PLCG1: variants seen among roughly 807,000 people sequenced by gnomAD.
The protein encoded by PLCG1 is phospholipase C gamma 1, also known as 1-phosphatidylinositol 4,5-bisphosphate phosphodiesterase gamma-1.
A neutral mutation model predicts 177.8 loss-of-function variants in PLCG1; 71 were observed. The ratio of observed to expected loss-of-function variants is 0.40; its 90% confidence interval spans 0.33 to 0.49. The LOEUF (loss-of-function observed/expected upper bound fraction) is 0.49, where lower values mean the gene tolerates loss of function less well. PLCG1 is among the 20% of genes least tolerant of loss of function. The pLI, the probability that PLCG1 is intolerant of heterozygous loss-of-function variation, is 0.72. For missense variants in PLCG1, 1,281 were observed against 1,709.0 expected (o/e 0.75, Z 4.42); for synonymous variants, 658 against 647.9 (o/e 1.02, Z -0.24).
chr20:41,168,627 C>T (rs974448600), intron 20 of PLCG1, 140 bp from the exon 21 acceptor site: 26 of 625,874 alleles, frequency 4.2e-5, no homozygotes, highest in Non-Finnish European at 7.7e-5. Context: ...TAACTAGGGC[C>T]TGTTGATGGC....
rs1332779911 is a variant in PLCG1 at position 41,166,305 on chromosome 20, G to A, written c.1911G>A (p.Thr637=). 3.6e-5 allele frequency: 58 copies of A among 1,614,000 alleles called. No homozygotes were observed. The highest frequency in any genetic ancestry group is 4.4e-5 in the Non-Finnish European group (52 of 1,180,020). The stretch of plus-strand genomic sequence containing the variant: ...TTGACTCCCTCTATGACCTCATCAC[G>A]CACTACCAGCAGGTGCCCCTGCGCT... ...LVFDSLYDLI[T]HYQQVPLRCN... The change falls in exon 17 of 32, where the codon ACG becomes ACA. Residue 637 remains threonine (T), a synonymous_variant. Transcript: ENST00000685551. This position sits in a 1 kb window ranked among gnomAD's most constrained non-coding sequence, Gnocchi z 8.6.
rs35980938 is a variant in PLCG1 at position 41,157,204 on chromosome 20, CTGTGTGTGTGTG to C, written c.218-2376_218-2365del. ...GTGCAGGAGTGCAGGCCTGTTGACT[CTGTGTGTGTGTG>C]TGTGTGTGTGTGTGTGTGTGTGTGT... On this transcript the variant is annotated intron_variant, in intron 1 of 31. Coordinates refer to ENST00000685551, the MANE Select transcript of PLCG1 (RefSeq NM_002660.3). The surrounding 1 kb of genome is among the most constrained non-coding windows in gnomAD (Gnocchi z 5.4). Among the ~76,000 whole-genome samples, 4,380 of 144,032 alleles carry C rather than the reference CTGTGTGTGTGTG, an allele frequency of 0.03. 82 individuals are homozygous for C. Among genetic ancestry groups the C allele is most frequent in the South Asian group, 0.063 (278 of 4,434 alleles). 94.5% of individuals were successfully genotyped at this position (144,032 alleles called of 152,430 possible).
In PLCG1 at chr20:41,164,049, G is replaced by T. The variant is rs1232566309; in HGVS notation, c.1097-32G>T. 21 of 1,614,072 alleles carry T rather than the reference G, an allele frequency of 1.3e-5. No individual in the cohort carries two copies. The highest frequency in any genetic ancestry group is 1.8e-5 in the Non-Finnish European group (21 of 1,180,036). ...CTGGGGGAGGGAAGATGGGAGGCCT[G>T]CCCGCTTGACCATGGTGATGTTGCT... On this transcript the variant is annotated intron_variant, in intron 11 of 31. Transcript: ENST00000685551. The surrounding 1 kb of genome is among the most constrained non-coding windows in gnomAD (Gnocchi z 6.4).
In PLCG1 at chr20:41,148,941, CTT is replaced by C. The variant is rs2035079226; in HGVS notation, c.218-10663_218-10662del. ...CCACCTTAGGTAAGTTAATTAACCT[CTT>C]TGTGCTCAATTTCCTCACTCGGGAA... On this transcript the variant is annotated intron_variant, in intron 1 of 31. Transcript: ENST00000685551. This position sits in a 1 kb window ranked among gnomAD's most constrained non-coding sequence, Gnocchi z 4.3. 6.6e-6 allele frequency among the ~76,000 whole-genome samples: 1 copy of C among 152,220 alleles called. No individual in the cohort carries two copies. Among genetic ancestry groups the C allele is most frequent in the Non-Finnish European group, 1.5e-5 (1 of 68,044 alleles).
intron 4 of PLCG1, among the ~76,000 whole-genome samples, chr20:41,161,148 C>T (rs1411620062): frequency 6.6e-6 from 1 of 152,114 alleles, no homozygotes; most frequent in African/African-American, 2.4e-5. Flanking sequence ...GATCCCAGAC[C>T]ACCCCCATAT....
In PLCG1 at chr20:41,143,973, G is replaced by A. The variant is rs79597060; in HGVS notation, c.217+6115G>A. 8.3e-4 allele frequency among the ~76,000 whole-genome samples: 127 copies of A among 152,358 alleles called. 4 individuals are homozygous for A. The East Asian group carries it at 0.022, about 27-fold the overall frequency. Reference sequence around the variant, plus strand: ...TTTCCACCACTAAGCTCGGCCACAAGTGGCTGCTCCAACAACCTGGGCTAG... The same window carrying A: ...TTTCCACCACTAAGCTCGGCCACAAATGGCTGCTCCAACAACCTGGGCTAG... On this transcript the variant is annotated intron_variant, in intron 1 of 31. Coordinates refer to ENST00000685551, the MANE Select transcript of PLCG1 (RefSeq NM_002660.3).
intron 1 of PLCG1, among the ~76,000 whole-genome samples, chr20:41,149,402 G>A (rs1398910908): frequency 6.6e-6 from 1 of 152,232 alleles, no homozygotes; most frequent in Non-Finnish European, 1.5e-5. Flanking sequence ...GAGAAAAGGA[G>A]ATGCGAAGGA....
In PLCG1 at chr20:41,165,036, C is replaced by T. The variant is rs989751003; in HGVS notation, c.1321C>T (p.Pro441Ser). Residue 441 changes from proline (P) to serine (S), a missense_variant, in exon 13 of 32, where the codon CCC becomes TCC. Coordinates refer to ENST00000685551, the MANE Select transcript of PLCG1 (RefSeq NM_002660.3). This position sits in a 1 kb window ranked among gnomAD's most constrained non-coding sequence, Gnocchi z 6.6. The part of the protein sequence containing the change: ...KVLGDTLLTK[P>S]VEISADGLPS... ...GCTGGGGGACACACTCCTCACCAAGCCCGTGGAGATCTCTGCCGACGGGCT... is the reference window on the plus strand; with the variant it reads ...GCTGGGGGACACACTCCTCACCAAGTCCGTGGAGATCTCTGCCGACGGGCT... The T allele has an allele frequency of 2.5e-6, 4 of 1,614,176 alleles. No individual in the cohort carries two copies. Among genetic ancestry groups the T allele is most frequent in the Non-Finnish European group, 3.4e-6 (4 of 1,180,018 alleles).
chr20:41,159,886 A>G lies in PLCG1; in HGVS notation c.387A>G (p.Glu129=). The stretch of plus-strand genomic sequence containing the variant: ...TGCTCACAGCCACATCTGAGGATGA[A>G]GTGAACATGTGGATCAAGGGCTTAA... ...TLSLQATSED[E]VNMWIKGLTW... Residue 129 remains glutamate, a synonymous_variant, in exon 3 of 32, where the codon GAA becomes GAG. Transcript: ENST00000685551. The surrounding 1 kb of genome is among the most constrained non-coding windows in gnomAD (Gnocchi z 6.0). 1 of 1,614,180 alleles carries G rather than the reference A, an allele frequency of 6.2e-7. No individual in the cohort carries two copies. The highest frequency in any genetic ancestry group is 8.5e-7 in the Non-Finnish European group (1 of 1,180,010).
Position 41,164,025 on chromosome 20 carries a change from T to C in PLCG1, c.1096+19T>C. The stretch of plus-strand genomic sequence containing the variant: ...ATTGAGTGTGCGTGGGGTCCAGGGC[T>C]GGGGGAGGGAAGATGGGAGGCCTGC... On this transcript the variant is annotated intron_variant, in intron 11 of 31. Coordinates refer to ENST00000685551, the MANE Select transcript of PLCG1 (RefSeq NM_002660.3). The surrounding 1 kb of genome is among the most constrained non-coding windows in gnomAD (Gnocchi z 6.4). 6.2e-7 allele frequency: 1 copy of C among 1,614,118 alleles called. No individual in the cohort carries two copies. Among genetic ancestry groups the C allele is most frequent in the Non-Finnish European group, 8.5e-7 (1 of 1,180,008 alleles).
In PLCG1 at chr20:41,163,682, A is replaced by C; in HGVS notation, c.892-33A>C. The C allele has an allele frequency of 7.0e-7, 1 of 1,427,388 alleles. No individual in the cohort carries two copies. Among genetic ancestry groups the C allele is most frequent in the Non-Finnish European group, 9.9e-7 (1 of 1,009,762 alleles). The allele number at this position is 1,427,388 out of a possible 1,614,324, so 88.4% of individuals were successfully genotyped here. A position where few individuals can be genotyped will look rare whatever the true frequency, so the allele number is the denominator to read the frequency against. ...CTTGGGTTGGACAGGGCAGGGACTCACTGTCTCTTCCCTTCCACATGTTTC... is the reference window on the plus strand; with the variant it reads ...CTTGGGTTGGACAGGGCAGGGACTCCCTGTCTCTTCCCTTCCACATGTTTC... On this transcript the variant is annotated intron_variant, in intron 9 of 31. Transcript: ENST00000685551. The surrounding 1 kb of genome is among the most constrained non-coding windows in gnomAD (Gnocchi z 5.2).
In PLCG1 at chr20:41,164,415, C is replaced by G. The variant is rs552444927; in HGVS notation, c.1217+214C>G. 6.6e-6 allele frequency among the ~76,000 whole-genome samples: 1 copy of G among 152,084 alleles called. No individual in the cohort carries two copies. The highest frequency in any genetic ancestry group is 1.5e-5 in the Non-Finnish European group (1 of 68,018). ...CTGTTTCCTACGTGTTGGGCCCACTCTCTTCTTCATGGGTCCTTTAGACTG... is the reference window on the plus strand; with the variant it reads ...CTGTTTCCTACGTGTTGGGCCCACTGTCTTCTTCATGGGTCCTTTAGACTG... On this transcript the variant is annotated intron_variant, in intron 12 of 31. Transcript: ENST00000685551. This position sits in a 1 kb window ranked among gnomAD's most constrained non-coding sequence, Gnocchi z 6.4.
In PLCG1 at chr20:41,164,298, C is replaced by T. The variant is rs1437738610; in HGVS notation, c.1217+97C>T. 1.6e-6 allele frequency: 2 copies of T among 1,243,678 alleles called. No homozygotes were observed. Among genetic ancestry groups the T allele is most frequent in the Non-Finnish European group, 2.3e-6 (2 of 862,160 alleles). The allele number at this position is 1,243,678 out of a possible 1,614,324, so 77.0% of individuals were successfully genotyped here. ...GAAAGACTCCTCAAATGCCCTGTCC[C>T]CTCTCCCTCAGCCTTTCATCTTTGT... On this transcript the variant is annotated intron_variant, in intron 12 of 31. Transcript: ENST00000685551. The surrounding 1 kb of genome is among the most constrained non-coding windows in gnomAD (Gnocchi z 6.4).
At position 41,151,887 on chromosome 20, in the gene PLCG1, C is replaced by T. The variant is rs1323951254; in HGVS notation, c.218-7719C>T. Among the ~76,000 whole-genome samples the T allele has an allele frequency of 2.0e-5, 3 of 152,184 alleles. No individual in the cohort carries two copies. The highest frequency in any genetic ancestry group is 2.9e-5 in the Non-Finnish European group (2 of 68,026). The stretch of plus-strand genomic sequence containing the variant: ...CCGTATGGTCCTGATGGGTGCAGAG[C>T]CCCTGTGCCTCTGGCTGCCTGTGAA... On this transcript the variant is annotated intron_variant, in intron 1 of 31. Coordinates refer to ENST00000685551, the MANE Select transcript of PLCG1 (RefSeq NM_002660.3). This position sits in a 1 kb window ranked among gnomAD's most constrained non-coding sequence, Gnocchi z 5.5.
In PLCG1 at chr20:41,157,477, T is replaced by A. The variant is rs1339085861; in HGVS notation, c.218-2129T>A. On this transcript the variant is annotated intron_variant, in intron 1 of 31. Transcript: ENST00000685551. This position sits in a 1 kb window ranked among gnomAD's most constrained non-coding sequence, Gnocchi z 5.4. ...CCTGTTTCTACCCGAGTATAACTGT[T>A]CATTTTTGTTCCCCATCCCTATTTG... Among the ~76,000 whole-genome samples, 1 of 152,204 alleles carries A rather than the reference T, an allele frequency of 6.6e-6. No homozygotes were observed. Among genetic ancestry groups the A allele is most frequent in the Non-Finnish European group, 1.5e-5 (1 of 68,042 alleles).
In PLCG1 at chr20:41,140,391, G is replaced by C. The variant is rs563795843; in HGVS notation, c.217+2533G>C. On this transcript the variant is annotated intron_variant, in intron 1 of 31. Transcript: ENST00000685551. ...TCTGAGGAGGTTGGACTGCCAGCCG[G>C]GTTTTCTGCCACCTGGACTCTTGCC... 4.6e-5 allele frequency among the ~76,000 whole-genome samples: 7 copies of C among 152,268 alleles called. No individual in the cohort carries two copies. In the South Asian group the frequency reaches 1.5e-3, roughly 32 times the overall value.
chr20:41,143,035 G>T (rs557252249), intron 1 of PLCG1, among the ~76,000 whole-genome samples: 1 of 152,298 alleles, frequency 6.6e-6, no homozygotes, highest in Non-Finnish European at 1.5e-5. Context: ...CTATTGTCAG[G>T]GCTCTTTCCC....
At chr20:41,161,421 G>A (rs745910404) in intron 4 of PLCG1, among the ~76,000 whole-genome samples, 2 of 152,138 alleles carry the variant, frequency 1.3e-5, no homozygotes, top group African/African-American at 4.8e-5. Flanking sequence ...GGCAAGACAG[G>A]TGTTTTTGGT....
rs1392275786 is a variant in PLCG1, at chr20:41,148,999, T to C, written c.218-10607T>C. Among the ~76,000 whole-genome samples the C allele has an allele frequency of 2.0e-5, 3 of 152,218 alleles. No individual in the cohort carries two copies. In the East Asian group the frequency reaches 5.8e-4, roughly 29 times the overall value. On this transcript the variant is annotated intron_variant, in intron 1 of 31. Coordinates refer to ENST00000685551, the MANE Select transcript of PLCG1 (RefSeq NM_002660.3). This position sits in a 1 kb window ranked among gnomAD's most constrained non-coding sequence, Gnocchi z 4.3. ...GACCCTAATACTTACTTCATAGTGT[T>C]ATTTGCAAGTATAAAATATAAGGCA...
Sources: allele counts gnomAD v4.1 joint callset (sites outside exome capture counted in the v4.1 genomes callset), GRCh38; gene constraint gnomAD v4.1.1; non-coding constraint Gnocchi (gnomAD v3.1); transcripts MANE v1.5; gene names NCBI Gene and HGNC (gene_info 2026-07-23, HGNC 2026-07-21).